The following SLIT1 variants were observed in gnomAD, a reference collection of about 807,000 sequenced individuals.
The protein encoded by SLIT1 is slit homolog 1 protein.
In SLIT1, 66 loss-of-function variants were observed where a neutral mutation model predicts 186.1. The ratio of observed to expected loss-of-function variants is 0.35; its 90% confidence interval spans 0.29 to 0.44. SLIT1 has a LOEUF of 0.44. Ranked by LOEUF, SLIT1 falls within the 20% of genes least tolerant of loss-of-function variation. SLIT1 has a pLI of 1.00. For synonymous variants in SLIT1, 761 were observed against 833.8 expected (o/e 0.91, Z 1.50); for missense variants, 1,638 against 2,037.4 (o/e 0.80, Z 3.77).
chr10:97,087,539 C>T (rs1849175783), intron 4 of SLIT1, among the ~76,000 whole-genome samples: 2 of 152,228 alleles, frequency 1.3e-5, no homozygotes, highest in African/African-American at 4.8e-5. Flanking sequence ...GGAAGGCACG[C>T]TAATATGAGT....
intron 26 of SLIT1, among the ~76,000 whole-genome samples, chr10:97,020,621 G>A (rs1848494286): frequency 1.3e-5 from 2 of 152,378 alleles, no homozygotes; most frequent in South Asian, 4.1e-4. Context: ...TGAGCTTGCA[G>A]AGGGCAGGAG....
intron 4 of SLIT1, among the ~76,000 whole-genome samples, chr10:97,109,749 A>G (rs1395243667): frequency 6.6e-6 from 1 of 152,150 alleles, no homozygotes; most frequent in Non-Finnish European, 1.5e-5. Context: ...TTTGTGCCTG[A>G]TCAGTCATCT....
chr10:97,011,339 AG>A (rs1848408913), intron 30 of SLIT1, among the ~76,000 whole-genome samples: 1 of 152,074 alleles, frequency 6.6e-6, no homozygotes, highest in Non-Finnish European at 1.5e-5. Context: ...CTAGTAGAAG[AG>A]AGCTCATGTG....
chr10:97,175,439 T>G (rs1002691688), intron 1 of SLIT1, among the ~76,000 whole-genome samples: 3 of 152,178 alleles, frequency 2.0e-5, no homozygotes, highest in African/African-American at 2.4e-5. Context: ...CATATGGTGA[T>G]TCTACTGTTG....
chr10:97,172,094 G>A (rs1266536115), intron 1 of SLIT1, among the ~76,000 whole-genome samples: 2 of 151,564 alleles, frequency 1.3e-5, no homozygotes, highest in Admixed American at 6.6e-5. Flanking sequence ...CCAGGCCAGA[G>A]TGCAGTGGTG....
intron 4 of SLIT1, among the ~76,000 whole-genome samples, chr10:97,112,298 C>T (rs530840644): frequency 2.6e-5 from 4 of 152,232 alleles, no homozygotes; most frequent in South Asian, 4.1e-4. Context: ...CCTGACAGAG[C>T]GCCCTGTGGT....
rs2134594440 is a variant in SLIT1, at chr10:97,014,092, A to G, written c.3036T>C (p.His1012=). 6 of 1,613,962 alleles carry G rather than the reference A, an allele frequency of 3.7e-6. No individual in the cohort carries two copies. Among genetic ancestry groups the G allele is most frequent in the African/African-American group, 1.3e-5 (1 of 75,010 alleles). ...CACAGACGCCCCCATTGGCACAGGC[A>G]TGATCCACACAGTCATCTGTGTTCA... The part of the protein sequence containing the change: ...CGVNTDDCVD[H]ACANGGVCVD... Residue 1012 remains histidine, a synonymous_variant, in exon 29 of 37, where the codon CAT becomes CAC. Transcript: ENST00000266058.
chr10:97,108,564 C>G (rs560205330), intron 4 of SLIT1, among the ~76,000 whole-genome samples: 34 of 152,292 alleles, frequency 2.2e-4, no homozygotes, highest in African/African-American at 8.2e-4. Flanking sequence ...AGGGCCCTCA[C>G]GAAAGGCCCA....
intron 4 of SLIT1, among the ~76,000 whole-genome samples, chr10:97,084,402 A>G (rs1048470318): frequency 6.6e-6 from 1 of 152,192 alleles, no homozygotes; most frequent in Non-Finnish European, 1.5e-5. Context: ...ATATCTGGGT[A>G]TCCTCATGCA....
At position 97,060,141 on chromosome 10, in the gene SLIT1, C is replaced by CT; in HGVS notation, c.958_959insA (p.Gly320GlufsTer28). 6.2e-7 allele frequency: 1 copy of CT among 1,614,022 alleles called. No individual in the cohort carries two copies. The highest frequency in any genetic ancestry group is 8.5e-7 in the Non-Finnish European group (1 of 1,179,902). On this transcript the variant is annotated frameshift_variant, in exon 10 of 37. Coordinates refer to ENST00000266058, the MANE Select transcript of SLIT1 (RefSeq NM_003061.3). LOFTEE classifies it high-confidence loss of function. Reference sequence around the variant, plus strand: ...GGCTCCAGGAGGGATGGACTTGATGCCGTTCAGCTCCAGGCGTCTGCGGGG... The same window carrying CT: ...GGCTCCAGGAGGGATGGACTTGATGCTCGTTCAGCTCCAGGCGTCTGCGGGG...
At chr10:97,177,457 C>G (rs1406066149) in intron 1 of SLIT1, among the ~76,000 whole-genome samples, 1 of 152,176 alleles carries the variant, frequency 6.6e-6, no homozygotes, top group Non-Finnish European at 1.5e-5. Context: ...ATCTTGGCCT[C>G]TGCAATAGCT....
intron 1 of SLIT1, among the ~76,000 whole-genome samples, chr10:97,165,149 C>G (rs1276670834): frequency 6.6e-6 from 1 of 152,188 alleles, no homozygotes; most frequent in Non-Finnish European, 1.5e-5. Context: ...TTTCTGCCCA[C>G]TGATGCAACT....
intron 4 of SLIT1, among the ~76,000 whole-genome samples, chr10:97,105,328 A>C (rs557660492): frequency 6.6e-4 from 100 of 152,318 alleles, no homozygotes; most frequent in African/African-American, 2.3e-3. Flanking sequence ...AAAAACACAC[A>C]CAAAAAGGCT....
intron 4 of SLIT1, among the ~76,000 whole-genome samples, chr10:97,085,308 G>T (rs1325480271): frequency 6.6e-6 from 1 of 151,968 alleles, no homozygotes; most frequent in Non-Finnish European, 1.5e-5. Context: ...GGACTCCTAA[G>T]GTCTTCTTCA....
chr10:97,130,056 C>T (rs1411212508), intron 4 of SLIT1, among the ~76,000 whole-genome samples: 2 of 152,190 alleles, frequency 1.3e-5, no homozygotes, highest in Non-Finnish European at 2.9e-5. Context: ...GCAGCCTCTC[C>T]GCCGCCAGGA....
intron 11 of SLIT1, among the ~76,000 whole-genome samples, chr10:97,059,037 T>C (rs1848866744): frequency 6.6e-6 from 1 of 152,158 alleles, no homozygotes; most frequent in South Asian, 2.1e-4. Context: ...AGATAGCAAG[T>C]TGTGGCAGAT....
intron 4 of SLIT1, among the ~76,000 whole-genome samples, chr10:97,072,052 G>C (rs1849005652): frequency 6.6e-6 from 1 of 152,218 alleles, no homozygotes; most frequent in Non-Finnish European, 1.5e-5. Context: ...GACTGGGGAG[G>C]AGCAGAGGCT....
rs1849540966 is a variant in SLIT1 at position 97,119,664 on chromosome 10, A to G, written c.413+38154T>C. Among the ~76,000 whole-genome samples the G allele has an allele frequency of 2.7e-5, 4 of 148,720 alleles. No individual in the cohort carries two copies. The Admixed American group carries it at 2.7e-4, about 10-fold the overall frequency. On this transcript the variant is annotated intron_variant, in intron 4 of 36. Coordinates refer to ENST00000266058, the MANE Select transcript of SLIT1 (RefSeq NM_003061.3). Reference sequence around the variant, plus strand: ...CTCCCTGGCTTTGCATCTGACCCCCAGAGACAGGCAGGAGGTGGCTCAGCA... The same window carrying G: ...CTCCCTGGCTTTGCATCTGACCCCCGGAGACAGGCAGGAGGTGGCTCAGCA...
chr10:97,008,711 A>G (rs1383621393), intron 31 of SLIT1, among the ~76,000 whole-genome samples: 2 of 148,536 alleles, frequency 1.3e-5, no homozygotes, highest in African/African-American at 5.0e-5. Flanking sequence ...AAAAAAAAAA[A>G]AGGGAATACT....
Sources: gnomAD v4.1 joint callset for allele counts (sites outside exome capture counted in the v4.1 genomes callset) on GRCh38, gnomAD v4.1.1 for gene constraint, MANE v1.5 for transcripts, NCBI Gene and HGNC (gene_info 2026-07-23, HGNC 2026-07-21) for gene names.